XYLT1: variants seen among roughly 807,000 people sequenced by gnomAD.
The protein encoded by XYLT1 is xylosyltransferase 1.
XYLT1 carries 36 observed loss-of-function variants against 91.3 expected under a neutral mutation model. That is an observed-to-expected ratio of 0.39 (90% CI 0.30 to 0.52). XYLT1 has a LOEUF of 0.52. XYLT1 is among the 20% of genes least tolerant of loss of function. The probability of loss-of-function intolerance (pLI) is 0.68; values close to 1 mark genes in which losing one functional copy is unlikely to be tolerated. For missense variants in XYLT1, 1,242 were observed against 1,284.5 expected, an observed-to-expected ratio of 0.97 and a Z score of 0.51; for synonymous variants, 588 against 532.0, an observed-to-expected ratio of 1.11 and a Z score of -1.45.
intron 5 of XYLT1, among the ~76,000 whole-genome samples, chr16:17,159,662 G>A (rs769103720): frequency 6.6e-6 from 1 of 152,236 alleles, no homozygotes. Flanking sequence ...CCAAGTCCTC[G>A]ATAACCACGG....
chr16:17,111,563 C>T (rs1369858316), intron 11 of XYLT1, among the ~76,000 whole-genome samples: 3 of 152,148 alleles, frequency 2.0e-5, no homozygotes, highest in Admixed American at 1.3e-4. Flanking sequence ...ACCAAAGGCA[C>T]CCAGGACAGC....
chr16:17,200,675 C>G (rs1180104822), intron 3 of XYLT1, 21 bp from the exon 4 acceptor site: 1 of 1,603,688 alleles, frequency 6.2e-7, no homozygotes, highest in South Asian at 1.1e-5. Flanking sequence ...TCCAAGAGAA[C>G]AGAGAGGAGA....
chr16:17,229,779 G>T (rs1336342154), intron 3 of XYLT1, among the ~76,000 whole-genome samples: 2 of 152,224 alleles, frequency 1.3e-5, no homozygotes, highest in East Asian at 3.8e-4. Context: ...AGCTGTATGT[G>T]AGTGTACTGG....
chr16:17,144,814 C>T (rs766674572), intron 6 of XYLT1, among the ~76,000 whole-genome samples: 1 of 152,222 alleles, frequency 6.6e-6, no homozygotes, highest in Non-Finnish European at 1.5e-5. Context: ...TTGCTACAGG[C>T]AGCACCGAGT....
chr16:17,138,301 G>A (rs1348493303), intron 8 of XYLT1, 54 bp downstream of exon 8: 1 of 1,588,716 alleles, frequency 6.3e-7, no homozygotes, highest in Non-Finnish European at 8.6e-7. Context: ...TTTCTGCAGA[G>A]GTTTGTTGGG....
chr16:17,267,395 G>A (rs529372294), intron 2 of XYLT1, among the ~76,000 whole-genome samples: 53 of 152,296 alleles, frequency 3.5e-4, no homozygotes, highest in African/African-American at 1.2e-3. Context: ...GTCACTTGAT[G>A]AGCAAGTCTG....
chr16:17,441,239 A>T (rs1261723273), intron 1 of XYLT1, among the ~76,000 whole-genome samples: 1 of 152,016 alleles, frequency 6.6e-6, no homozygotes, highest in Non-Finnish European at 1.5e-5. Context: ...ATTTATTGTT[A>T]TTATCACTAT....
intron 1 of XYLT1, among the ~76,000 whole-genome samples, chr16:17,363,057 C>T (rs1213187526): frequency 2.6e-5 from 4 of 152,186 alleles, no homozygotes; most frequent in Non-Finnish European, 5.9e-5. Flanking sequence ...ACTCATCATC[C>T]AACCACCAGA....
At chr16:17,238,050 G>A (rs1016965606) in intron 3 of XYLT1, among the ~76,000 whole-genome samples, 1 of 152,138 alleles carries the variant, frequency 6.6e-6, no homozygotes, top group African/African-American at 2.4e-5. Flanking sequence ...CACAGGCTGG[G>A]GGATTTTTAT....
At chr16:17,248,318 T>C (rs1024536989) in intron 3 of XYLT1, among the ~76,000 whole-genome samples, 3 of 152,208 alleles carry the variant, frequency 2.0e-5, no homozygotes, top group Non-Finnish European at 2.9e-5. Context: ...TTTTTCTTTA[T>C]AAATTACCCA....
At chr16:17,237,231 T>C (rs865895130) in intron 3 of XYLT1, among the ~76,000 whole-genome samples, 1 of 152,234 alleles carries the variant, frequency 6.6e-6, no homozygotes, top group Admixed American at 6.5e-5. Flanking sequence ...ATTACATTAT[T>C]ATTATTTGAA....
chr16:17,256,949 A>T (rs569094890), intron 3 of XYLT1, among the ~76,000 whole-genome samples: 36 of 152,124 alleles, frequency 2.4e-4, no homozygotes, highest in Non-Finnish European at 4.1e-4. Context: ...GCATCTGTTG[A>T]CCCTGACACC....
At chr16:17,212,860 A>G (rs2032786226) in intron 3 of XYLT1, among the ~76,000 whole-genome samples, 2 of 152,214 alleles carry the variant, frequency 1.3e-5, no homozygotes, top group Admixed American at 6.5e-5. Context: ...GGCCTGTAAC[A>G]TATCATCTGT....
At chr16:17,342,150 C>T (rs531289695) in intron 2 of XYLT1, among the ~76,000 whole-genome samples, 2 of 152,340 alleles carry the variant, frequency 1.3e-5, no homozygotes, top group South Asian at 2.1e-4. Flanking sequence ...GCCCCTCTCT[C>T]CCTTACTCAT....
chr16:17,137,659 A>G (rs1434076205), intron 8 of XYLT1: 1 of 148,826 alleles, frequency 6.7e-6, no homozygotes, highest in East Asian at 1.9e-4. Context: ...GCCCTTCCCC[A>G]GAACTGTAAA....
chr16:17,234,914 G>A lies in XYLT1; in HGVS notation c.913+24074C>T, dbSNP rs893666172. On this transcript the variant is annotated intron_variant, in intron 3 of 11. Coordinates refer to ENST00000261381, the MANE Select transcript of XYLT1 (RefSeq NM_022166.4). ...AATGAATACGACCATAATGGTCTGC[G>A]GCAGTTTAATCAATGCATTCTTCAA... is the stretch of plus-strand genomic sequence containing the variant. Among the ~76,000 whole-genome samples the A allele has an allele frequency of 7.9e-5, 12 of 151,960 alleles. No homozygotes were observed. In the South Asian group the frequency reaches 8.3e-4, roughly 10 times the overall value.
At chr16:17,251,030 G>A (rs571767862) in intron 3 of XYLT1, 3 of 152,306 alleles carry the variant, frequency 2.0e-5, no homozygotes, top group African/African-American at 7.2e-5. Context: ...CCTCCACTGC[G>A]GCTGTCAGCT....
At chr16:17,282,961 C>T (rs948108453) in intron 2 of XYLT1, among the ~76,000 whole-genome samples, 1 of 88,098 alleles carries the variant, frequency 1.1e-5, no homozygotes, top group Admixed American at 1.0e-4. Context: ...CAATAAGTCA[C>T]CCCCCCCAAG....
chr16:17,135,964 C>G (rs921403021), intron 8 of XYLT1, among the ~76,000 whole-genome samples: 1 of 152,174 alleles, frequency 6.6e-6, no homozygotes, highest in Non-Finnish European at 1.5e-5. Context: ...TTTGCTGACC[C>G]CTTGTGTAGG....
Sources: allele counts gnomAD v4.1 joint callset (sites outside exome capture counted in the v4.1 genomes callset), GRCh38; gene constraint gnomAD v4.1.1; transcripts MANE v1.5; gene names NCBI Gene and HGNC (gene_info 2026-07-23, HGNC 2026-07-21).